SEMA3F: variants seen among roughly 807,000 people sequenced by gnomAD.
The protein encoded by SEMA3F is semaphorin-3F.
A neutral mutation model predicts 98.5 loss-of-function variants in SEMA3F; 30 were observed. That is an observed-to-expected ratio of 0.30 (90% CI 0.23 to 0.41). The LOEUF is 0.41. Ranked by LOEUF, SEMA3F falls within the 10% of genes least tolerant of loss-of-function variation. The pLI is 1.00. For synonymous variants in SEMA3F, 380 were observed against 444.8 expected, an observed-to-expected ratio of 0.85 and a Z score of 1.83; for missense variants, 866 against 1,119.3, an observed-to-expected ratio of 0.77 and a Z score of 3.23.
rs1211414968 is a variant in SEMA3F, at chr3:50,166,116, A to C, written c.112+6382A>C. On this transcript the variant is annotated intron_variant, in intron 2 of 18. Transcript: ENST00000002829. This position sits in a 1 kb window ranked among gnomAD's most constrained non-coding sequence, Gnocchi z 4.7. ...CTCTTCTTCCTTCCTTCCTCCCCCT[A>C]CTCCCCCTTGCCTCCACCCCTCCCT... Among the ~76,000 whole-genome samples, 111 of 89,358 alleles carry C rather than the reference A, an allele frequency of 1.2e-3. No homozygotes were observed. The highest frequency in any genetic ancestry group is 1.5e-3 in the African/African-American group (33 of 22,114). The allele number at this position is 89,358 out of a possible 152,430, so 58.6% of individuals were successfully genotyped here.
chr3:50,183,100 T>G, intron 10 of SEMA3F, 82 bp downstream of exon 10: 1 of 1,562,454 alleles, frequency 6.4e-7, no homozygotes, highest in Non-Finnish European at 8.8e-7. Flanking sequence ...GTGCCTTTGG[T>G]GGGCCCCCTC....
At position 50,187,733 on chromosome 3, in the gene SEMA3F, C is replaced by G. The variant is rs765659353; in HGVS notation, c.1976C>G (p.Thr659Arg). 1.2e-6 allele frequency: 2 copies of G among 1,604,158 alleles called. No individual in the cohort carries two copies. The highest frequency in any genetic ancestry group is 1.7e-6 in the Non-Finnish European group (2 of 1,173,028). ...EIRAEDRFLR[T>R]EQGLLLRALQ... ...CGTGCAGAGGACCGCTTCCTGCGCA[C>G]AGAGCAGGGCTTGTTGCTCCGTGCA... is the stretch of plus-strand genomic sequence containing the variant. Residue 659 changes from threonine (T) to arginine (R), a missense_variant, in exon 19 of 19, where the codon ACA (threonine) becomes AGA (arginine). Physicochemically the swap from Thr to Arg is moderately conservative, Grantham distance 71. This residue lies in a region of SEMA3F where 245 missense variants were observed against 260.5 expected (regional missense o/e 0.94). Coordinates refer to ENST00000002829, the MANE Select transcript of SEMA3F (RefSeq NM_004186.5).
intron 7 of SEMA3F, among the ~76,000 whole-genome samples, chr3:50,179,523 G>A (rs906861206): frequency 6.6e-6 from 1 of 152,050 alleles, no homozygotes; most frequent in Non-Finnish European, 1.5e-5. Flanking sequence ...AAAGCGTCTC[G>A]CCATGTTGAC....
At chr3:50,179,341 T>C (rs2109103098) in intron 7 of SEMA3F, among the ~76,000 whole-genome samples, 1 of 151,956 alleles carries the variant, frequency 6.6e-6, no homozygotes, top group South Asian at 2.1e-4. Flanking sequence ...TTTTTTTTTT[T>C]TTGAGATGGA....
chr3:50,176,627 G>A, intron 6 of SEMA3F, 141 bp from the exon 7 acceptor site: 1 of 666,516 alleles, frequency 1.5e-6, no homozygotes, highest in Non-Finnish European at 2.7e-6. Flanking sequence ...TGGAGTTTAA[G>A]GCCAAGGAAT....
chr3:50,174,240 G>A lies in SEMA3F; in HGVS notation c.346G>A (p.Gly116Arg), dbSNP rs1698720192. ...TTCCCTGTGGCCCCAGGGCGAGTGT[G>A]GGAACTTCGTCAGGCTCATCCAGCC... ...LSGKDVNGEC[G>R]NFVRLIQPWN... Residue 116 changes from glycine (G) to arginine (R), a missense_variant, in exon 5 of 19, where the codon GGG becomes AGG. This residue lies in a region of SEMA3F where 247 missense variants were observed against 276.0 expected (regional missense o/e 0.89). Transcript: ENST00000002829. The A allele has an allele frequency of 6.2e-7, 1 of 1,613,652 alleles. No homozygotes were observed.
At chr3:50,176,634 G>C in intron 6 of SEMA3F, 134 bp from the exon 7 acceptor site, 1 of 681,364 alleles carries the variant, frequency 1.5e-6, no homozygotes, top group East Asian at 2.6e-5. Context: ...TAAGGCCAAG[G>C]AATGCTGGGG....
chr3:50,179,122 C>T (rs995955612), intron 7 of SEMA3F, among the ~76,000 whole-genome samples: 1 of 151,946 alleles, frequency 6.6e-6, no homozygotes, highest in African/African-American at 2.4e-5. Flanking sequence ...CACGCCCACC[C>T]CTATTTCACA....
Position 50,182,268 on chromosome 3 carries a change from A to G in SEMA3F, c.644-16A>G. Reference sequence around the variant, plus strand: ...CAAACAGCAGCCCCCCAACTGACCCACTGGCCTACCCACAGATGAGGAGCT... The same window carrying G: ...CAAACAGCAGCCCCCCAACTGACCCGCTGGCCTACCCACAGATGAGGAGCT... On this transcript the variant is annotated splice_polypyrimidine_tract_variant and intron_variant, in intron 7 of 18. Transcript: ENST00000002829. This position sits in a 1 kb window ranked among gnomAD's most constrained non-coding sequence, Gnocchi z 4.5. 1 of 1,613,942 alleles carries G rather than the reference A, an allele frequency of 6.2e-7. No homozygotes were observed. Among genetic ancestry groups the G allele is most frequent in the Non-Finnish European group, 8.5e-7 (1 of 1,180,006 alleles).
rs187238646 is a variant in SEMA3F, at chr3:50,173,403, C to T, written c.113-390C>T. The T allele has an allele frequency of 1.5e-4, 30 of 196,682 alleles. 1 individual carries two copies. The East Asian group carries it at 3.8e-3, about 25-fold the overall frequency. The allele number at this position is 196,682 out of a possible 1,614,324, so 12.2% of individuals were successfully genotyped here. ...AGCAGAATCGCTTGAACCCGGGAGG[C>T]GAAGGTTGCAGTGAGCCAAGATCGC... On this transcript the variant is annotated intron_variant, in intron 2 of 18. Coordinates refer to ENST00000002829, the MANE Select transcript of SEMA3F (RefSeq NM_004186.5).
rs554250122 is a variant in SEMA3F, at chr3:50,174,077, G to A, written c.299G>A (p.Arg100His). ...LIIHWAASPQ[R>H]IEECVLSGKD... Reference sequence around the variant, plus strand: ...ATACACTGGGCAGCCTCCCCACAGCGCATCGAGGAATGCGTGCTCTCAGGC... The same window carrying A: ...ATACACTGGGCAGCCTCCCCACAGCACATCGAGGAATGCGTGCTCTCAGGC... The change falls in exon 4 of 19, where the codon CGC becomes CAC. Residue 100 changes from arginine (R) to histidine (H), a missense_variant. By Grantham distance (29) the Arg-to-His change is conservative. This residue lies in a region of SEMA3F where 247 missense variants were observed against 276.0 expected (regional missense o/e 0.89). Coordinates refer to ENST00000002829, the MANE Select transcript of SEMA3F (RefSeq NM_004186.5). 6.8e-6 allele frequency: 11 copies of A among 1,614,112 alleles called. No individual in the cohort carries two copies. In the Admixed American group the frequency reaches 8.3e-5, roughly 12 times the overall value.
At chr3:50,171,810 C>G (rs1186958778) in intron 2 of SEMA3F, among the ~76,000 whole-genome samples, 2 of 152,170 alleles carry the variant, frequency 1.3e-5, no homozygotes, top group Admixed American at 1.3e-4. Context: ...AGAGGCGCCG[C>G]TGGACAGGCG....
chr3:50,174,175 C>A, intron 4 of SEMA3F, 56 bp from the exon 5 acceptor site: 1 of 1,613,884 alleles, frequency 6.2e-7, no homozygotes, highest in Non-Finnish European at 8.5e-7. Flanking sequence ...GGTACTGCCC[C>A]CAGTGAGGGG....
chr3:50,173,735 G>A (rs1468023629), intron 2 of SEMA3F, 58 bp from the exon 3 acceptor site: 5 of 1,491,310 alleles, frequency 3.4e-6, no homozygotes, highest in Non-Finnish European at 4.6e-6. Flanking sequence ...TTATCAGAGG[G>A]GGTATGGCTG....
rs774535424 is a variant in SEMA3F, at chr3:50,183,450, C to T, written c.1119C>T (p.Val373=). The T allele has an allele frequency of 4.3e-6, 7 of 1,614,032 alleles. No individual in the cohort carries two copies. Among genetic ancestry groups the T allele is most frequent in the African/African-American group, 1.3e-5 (1 of 74,938 alleles). ...TGTTCCGAGGCTCTGCCGTGTGTGTCTACTCCATGGCTGATATTCGCATGG... is the reference window on the plus strand; with the variant it reads ...TGTTCCGAGGCTCTGCCGTGTGTGTTTACTCCATGGCTGATATTCGCATGG... ...GSVFRGSAVC[V]YSMADIRMVF... is the part of the protein sequence containing the mutation. The change falls in exon 12 of 19, where the codon GTC becomes GTT. Residue 373 remains valine, a synonymous_variant. Coordinates refer to ENST00000002829, the MANE Select transcript of SEMA3F (RefSeq NM_004186.5).
intron 7 of SEMA3F, among the ~76,000 whole-genome samples, chr3:50,180,882 C>T (rs910842200): frequency 1.3e-5 from 2 of 152,050 alleles, no homozygotes; most frequent in Non-Finnish European, 2.9e-5. Flanking sequence ...GCCTGGCCAA[C>T]ATGGTGAAAC....
chr3:50,186,798 G>A, intron 18 of SEMA3F, 52 bp downstream of exon 18: 3 of 1,497,124 alleles, frequency 2.0e-6, no homozygotes, highest in Non-Finnish European at 2.7e-6. Context: ...TTGCACAGTG[G>A]TGAAATGTAG....
At chr3:50,180,063 TG>T (rs1198117826) in intron 7 of SEMA3F, among the ~76,000 whole-genome samples, 1 of 152,264 alleles carries the variant, frequency 6.6e-6, no homozygotes, top group Admixed American at 6.5e-5. Flanking sequence ...GGCTAACTAG[TG>T]CTAGCAGCCT....
chr3:50,162,975 G>A (rs1260155399), intron 2 of SEMA3F, among the ~76,000 whole-genome samples: 1 of 152,196 alleles, frequency 6.6e-6, no homozygotes, highest in Non-Finnish European at 1.5e-5. Context: ...AAGAGGGTCT[G>A]CCTAGGTTTC....
Sources: gnomAD v4.1 joint callset for allele counts (sites outside exome capture counted in the v4.1 genomes callset) on GRCh38, gnomAD v4.1.1 for gene constraint, gnomAD v4.1.1 regional missense constraint, Gnocchi (gnomAD v3.1) non-coding constraint, MANE v1.5 for transcripts, NCBI Gene and HGNC (gene_info 2026-07-23, HGNC 2026-07-21) for gene names.